PCDH1: variants seen among roughly 807,000 people sequenced by gnomAD.
PCDH1 encodes the protein protocadherin-1.
In PCDH1, 23 loss-of-function variants were observed where a neutral mutation model predicts 74.6. The observed-to-expected ratio is 0.31, with a 90% CI of 0.22 to 0.44. PCDH1 has a LOEUF of 0.44. Ranked by LOEUF, PCDH1 falls within the 20% of genes least tolerant of loss-of-function variation. The pLI is 1.00. For synonymous variants in PCDH1, 647 were observed against 686.1 expected, an observed-to-expected ratio of 0.94 and a Z score of 0.89; for missense variants, 1,214 against 1,641.4, an observed-to-expected ratio of 0.74 and a Z score of 4.50.
At chr5:141,876,760 G>C (rs1412447797) in intron 1 of PCDH1, among the ~76,000 whole-genome samples, 1 of 152,242 alleles carries the variant, frequency 6.6e-6, no homozygotes, top group African/African-American at 2.4e-5. Flanking sequence ...TCAGGTGTGA[G>C]ACGAACCCAG....
Position 141,864,684 on chromosome 5 carries a change from C to T in PCDH1, c.1647G>A (p.Pro549=), listed in dbSNP as rs139152884. 1,075 of 1,613,926 alleles carry T rather than the reference C, an allele frequency of 6.7e-4. 2 individuals are homozygous for T. The highest frequency in any genetic ancestry group is 8.4e-4 in the Non-Finnish European group (995 of 1,180,036). The change falls in exon 3 of 5, where the codon CCG becomes CCA. Residue 549 remains proline (P), a synonymous_variant. Transcript: ENST00000287008. This position sits in a 1 kb window ranked among gnomAD's most constrained non-coding sequence, Gnocchi z 5.9. ...AGATGGTGAAGAGGCCCTTAGCAGC[C>T]GGCTCAGGCTCCAGAGAGTAAACCA... is the stretch of plus-strand genomic sequence containing the variant. ...AELVYSLEPE[P]AAKGLFTISP... is the part of the protein sequence containing the mutation.
chr5:141,865,959 ATG>A lies in PCDH1; in HGVS notation c.904-534_904-533del, dbSNP rs2126820758. 4.4e-6 allele frequency: 3 copies of A among 683,548 alleles called. No homozygotes were observed. The South Asian group carries it at 1.8e-4, about 41-fold the overall frequency. 42.3% of individuals were successfully genotyped at this position (683,548 alleles called of 1,614,324 possible). ...GTGATATGTTTGTGTGAGAAGGTAT[ATG>A]TGTTTGTATGTGTATGATTGTGTCA... On this transcript the variant is annotated intron_variant, in intron 2 of 4. Transcript: ENST00000287008. The surrounding 1 kb of genome is among the most constrained non-coding windows in gnomAD (Gnocchi z 4.4).
chr5:141,865,937 A>AT lies in PCDH1; in HGVS notation c.904-511dup. 1.8e-6 allele frequency: 1 copy of AT among 554,174 alleles called. No individual in the cohort carries two copies. The allele number at this position is 554,174 out of a possible 1,614,324, so 34.3% of individuals were successfully genotyped here. ...GTGTCAGAATGTGTGATTAAATGTG[A>AT]TATGTTTGTGTGAGAAGGTATATGT... On this transcript the variant is annotated intron_variant, in intron 2 of 4. Transcript: ENST00000287008. The surrounding 1 kb of genome is among the most constrained non-coding windows in gnomAD (Gnocchi z 4.4).
At chr5:141,877,872 C>A (rs983748391) in intron 1 of PCDH1, among the ~76,000 whole-genome samples, 1 of 152,200 alleles carries the variant, frequency 6.6e-6, no homozygotes. Context: ...GAGACCCCCA[C>A]CAAACTGGGG....
chr5:141,869,638 G>A lies in PCDH1; in HGVS notation c.41-207C>T. ...GGGTGTAGCAGCAGTGTCTGCCCCAGCTGGAGGAGCCAGTAAGAGGCCTGG... is the reference window on the plus strand; with the variant it reads ...GGGTGTAGCAGCAGTGTCTGCCCCAACTGGAGGAGCCAGTAAGAGGCCTGG... On this transcript the variant is annotated intron_variant, in intron 1 of 4. Coordinates refer to ENST00000287008, the MANE Select transcript of PCDH1 (RefSeq NM_032420.5). The surrounding 1 kb of genome is among the most constrained non-coding windows in gnomAD (Gnocchi z 4.9). The A allele has an allele frequency of 6.5e-7, 1 of 1,533,718 alleles. No individual in the cohort carries two copies. The highest frequency in any genetic ancestry group is 8.7e-7 in the Non-Finnish European group (1 of 1,146,126).
Position 141,863,479 on chromosome 5 carries a change from C to A in PCDH1, c.2852G>T (p.Arg951Leu). ...LMSDAPGDSPRIHLPLNYPPG... is the reference protein window; with the variant it reads ...LMSDAPGDSPLIHLPLNYPPG... ...TGGGTAGTTGAGGGGCAGGTGGATGCGGGGACTGTCCCCAGGGGCATCGCT... is the reference window on the plus strand; with the variant it reads ...TGGGTAGTTGAGGGGCAGGTGGATGAGGGGACTGTCCCCAGGGGCATCGCT... Residue 951 changes from arginine to leucine, a missense_variant, in exon 3 of 5, where the codon CGC becomes CTC. Physicochemically the swap from Arg to Leu is moderately radical, Grantham distance 102 (BLOSUM62 -2). Coordinates refer to ENST00000287008, the MANE Select transcript of PCDH1 (RefSeq NM_032420.5). This position sits in a 1 kb window ranked among gnomAD's most constrained non-coding sequence, Gnocchi z 7.5. The A allele has an allele frequency of 6.3e-7, 1 of 1,597,812 alleles. No individual in the cohort carries two copies.
intron 1 of PCDH1, among the ~76,000 whole-genome samples, chr5:141,872,514 A>C (rs1271448942): frequency 1.3e-5 from 2 of 152,232 alleles, no homozygotes; most frequent in Non-Finnish European, 2.9e-5. Context: ...GACTGTTCAC[A>C]AATTTTAGCC....
chr5:141,870,681 C>A lies in PCDH1; in HGVS notation c.41-1250G>T, dbSNP rs896841917. 7.2e-5 allele frequency among the ~76,000 whole-genome samples: 11 copies of A among 152,260 alleles called. No individual in the cohort carries two copies. In the East Asian group the frequency reaches 1.7e-3, roughly 24 times the overall value. On this transcript the variant is annotated intron_variant, in intron 1 of 4. Coordinates refer to ENST00000287008, the MANE Select transcript of PCDH1 (RefSeq NM_032420.5). Reference sequence around the variant, plus strand: ...AGCTGTACCCCATCACAACAATAACCCCCTTCTTCTGCCCATCTCCCCTGG... The same window carrying A: ...AGCTGTACCCCATCACAACAATAACACCCTTCTTCTGCCCATCTCCCCTGG...
chr5:141,857,171 G>A, intron 4 of PCDH1, 81 bp downstream of exon 4: 1 of 1,159,728 alleles, frequency 8.6e-7, no homozygotes, highest in Non-Finnish European at 1.2e-6. Context: ...TCAATACATA[G>A]ATGATTTGTT....
intron 4 of PCDH1, 109 bp from the exon 5 acceptor site, chr5:141,854,545 G>A (rs922457352): frequency 1.5e-5 from 17 of 1,147,166 alleles, no homozygotes; most frequent in Non-Finnish European, 1.9e-5. Context: ...AGGAGTATGC[G>A]CCCCTTCCTG....
chr5:141,862,317 A>G (rs527505601), intron 3 of PCDH1, among the ~76,000 whole-genome samples: 18 of 152,270 alleles, frequency 1.2e-4, no homozygotes, highest in African/African-American at 4.3e-4. Context: ...GGAAAAATCA[A>G]GCCTCAGATG....
chr5:141,857,380 T>C lies in PCDH1; in HGVS notation c.3191A>G (p.Glu1064Gly). Residue 1064 changes from glutamate to glycine, a missense_variant, in exon 4 of 5, where the codon GAG (glutamate) becomes GGG (glycine). Glu to Gly is a moderately conservative substitution (Grantham distance 98, BLOSUM62 -2). Transcript: ENST00000287008. ...SQHSYYDSGLEESETPSSKSS... is the reference protein window; with the variant it reads ...SQHSYYDSGLGESETPSSKSS... ...CTTGCTGGACGGCGTCTCAGACTCC[T>C]CCAGGCCACTGTCATAGTAACTGTG... is the stretch of plus-strand genomic sequence containing the variant. 1 of 1,614,026 alleles carries C rather than the reference T, an allele frequency of 6.2e-7. No individual in the cohort carries two copies.
Position 141,869,891 on chromosome 5 carries a change from CA to C in PCDH1, c.41-461del, listed in dbSNP as rs1185502932. ...GGAAGGGTGAGACCTCGAGCATCCCCAACTGGAGCACCCCTCCCCACATGCA... is the reference window on the plus strand; with the variant it reads ...GGAAGGGTGAGACCTCGAGCATCCCCACTGGAGCACCCCTCCCCACATGCA... On this transcript the variant is annotated intron_variant, in intron 1 of 4. Coordinates refer to ENST00000287008, the MANE Select transcript of PCDH1 (RefSeq NM_032420.5). The surrounding 1 kb of genome is among the most constrained non-coding windows in gnomAD (Gnocchi z 4.9). 1 of 726,078 alleles carries C rather than the reference CA, an allele frequency of 1.4e-6. No individual in the cohort carries two copies. Among genetic ancestry groups the C allele is most frequent in the African/African-American group, 1.9e-5 (1 of 52,256 alleles). The allele number at this position is 726,078 out of a possible 1,614,324, so 45.0% of individuals were successfully genotyped here. A position where few individuals can be genotyped will look rare whatever the true frequency, so the allele number is the denominator to read the frequency against.
chr5:141,865,439 G>A lies in PCDH1; in HGVS notation c.904-12C>T. The A allele has an allele frequency of 6.2e-7, 1 of 1,606,022 alleles. No individual in the cohort carries two copies. Among genetic ancestry groups the A allele is most frequent in the Non-Finnish European group, 8.5e-7 (1 of 1,176,410 alleles). ...TCATTGGCCTTCACCTATAGGGCAG[G>A]AGAGAAAAACAAGGAGAACAGAGAT... On this transcript the variant is annotated splice_polypyrimidine_tract_variant and intron_variant, in intron 2 of 4. Transcript: ENST00000287008. This position sits in a 1 kb window ranked among gnomAD's most constrained non-coding sequence, Gnocchi z 4.4.
intron 3 of PCDH1, among the ~76,000 whole-genome samples, chr5:141,858,960 A>G (rs1357045957): frequency 6.6e-6 from 1 of 152,042 alleles, no homozygotes; most frequent in Non-Finnish European, 1.5e-5. Context: ...GCTGCTGTGA[A>G]GGTAGCCCAG....
At chr5:141,866,126 G>A in intron 2 of PCDH1, 1 of 985,550 alleles carries the variant, frequency 1.0e-6, no homozygotes, top group Non-Finnish European at 1.2e-6. Flanking sequence ...AGTCAGGTAG[G>A]GTTGTGGGTC....
rs951891514 is a variant in PCDH1 at position 141,878,072 on chromosome 5, T to C, written c.40+151A>G. On this transcript the variant is annotated intron_variant, in intron 1 of 4. Coordinates refer to ENST00000287008, the MANE Select transcript of PCDH1 (RefSeq NM_032420.5). The surrounding 1 kb of genome is among the most constrained non-coding windows in gnomAD (Gnocchi z 5.5). ...CTCAGCCGCATCCCCTGCTATGGGC[T>C]CCCAGCAGCCCCCACCTCAGCCCCC... is the stretch of plus-strand genomic sequence containing the variant. 1.3e-5 allele frequency: 8 copies of C among 618,192 alleles called. No homozygotes were observed. Among genetic ancestry groups the C allele is most frequent in the Admixed American group, 9.2e-5 (2 of 21,678 alleles). The allele number at this position is 618,192 out of a possible 1,614,324, so 38.3% of individuals were successfully genotyped here.
Position 141,857,301 on chromosome 5 carries a change from C to T in PCDH1, c.3270G>A (p.Glu1090=). ...CTATGCTGCCATCAGGGGTGGTGCG[C>T]TCATAGTGATCCTCAGGCAGGGCCA... ...GPLALPEDHY[E]RTTPDGSIGE... The change falls in exon 4 of 5, where the codon GAG becomes GAA. Residue 1090 remains glutamate (E), a synonymous_variant. Transcript: ENST00000287008. The T allele has an allele frequency of 6.2e-7, 1 of 1,612,370 alleles. No homozygotes were observed. The highest frequency in any genetic ancestry group is 8.5e-7 in the Non-Finnish European group (1 of 1,179,500).
Position 141,853,978 on chromosome 5 carries a change from G to A in PCDH1, c.*64C>T, listed in dbSNP as rs1596541802. ...CTGAAGGGGTGGAGAGTGAGGCCCTGGAATGGGCCATTTGGGAGCTGGCCG... is the reference window on the plus strand; with the variant it reads ...CTGAAGGGGTGGAGAGTGAGGCCCTAGAATGGGCCATTTGGGAGCTGGCCG... On this transcript the variant is annotated 3_prime_UTR_variant, in exon 5 of 5. Coordinates refer to ENST00000287008, the MANE Select transcript of PCDH1 (RefSeq NM_032420.5). The A allele has an allele frequency of 1.4e-5, 19 of 1,388,262 alleles. No individual in the cohort carries two copies. Among genetic ancestry groups the A allele is most frequent in the Middle Eastern group, 5.3e-4 (2 of 3,770 alleles). The allele number at this position is 1,388,262 out of a possible 1,614,324, so 86.0% of individuals were successfully genotyped here.
Sources: gnomAD v4.1 joint callset for allele counts (sites outside exome capture counted in the v4.1 genomes callset) on GRCh38, gnomAD v4.1.1 for gene constraint, Gnocchi (gnomAD v3.1) non-coding constraint, MANE v1.5 for transcripts, NCBI Gene and HGNC (gene_info 2026-07-23, HGNC 2026-07-21) for gene names.